The following TNRC18 variants were observed in gnomAD, a reference collection of about 807,000 sequenced individuals.
TNRC18 encodes trinucleotide repeat-containing gene 18 protein.
TNRC18 carries 69 observed loss-of-function variants against 226.7 expected under a neutral mutation model. The ratio of observed to expected loss-of-function variants is 0.30; its 90% CI spans 0.25 to 0.37. The LOEUF (loss-of-function observed/expected upper bound fraction) is 0.37, where lower values mean the gene tolerates loss of function less well. Ranked by LOEUF, TNRC18 falls within the 10% of genes least tolerant of loss-of-function variation. The pLI is 1.00. For missense variants in TNRC18, 4,754 were observed against 4,256.6 expected (o/e 1.12, Z -3.25); for synonymous variants, 2,449 against 1,927.6 (o/e 1.27, Z -7.09).
At chr7:5,316,190 G>C (rs1787823157) in intron 24 of TNRC18, 118 bp from the exon 25 acceptor site, 3 of 664,912 alleles carry the variant, frequency 4.5e-6, no homozygotes, top group South Asian at 2.0e-5. Flanking sequence ...TGGTACAGCA[G>C]TGGGGACATG....
chr7:5,419,865 G>A (rs1203101112), intron 2 of TNRC18: 1 of 152,398 alleles, frequency 6.6e-6, no homozygotes, highest in African/African-American at 2.4e-5. Flanking sequence ...GAGCTCCGCC[G>A]AGCGGGCGGG....
At position 5,387,816 on chromosome 7, in the gene TNRC18, C is replaced by T. The variant is rs1299649218; in HGVS notation, c.2008G>A (p.Gly670Ser). Reference sequence around the variant, plus strand: ...CGCACTTCTGCCTCACCCTGGGCACCAGAGCCCTCGCGCCCGAAAGCTTTG... The same window carrying T: ...CGCACTTCTGCCTCACCCTGGGCACTAGAGCCCTCGCGCCCGAAAGCTTTG... ...SAKAFGREGS[G>S]AQGEAEVRHP... Residue 670 changes from glycine (G) to serine (S), a missense_variant, in exon 5 of 30, where the codon GGT (glycine) becomes AGT (serine). Transcript: ENST00000430969. The T allele has an allele frequency of 6.2e-7, 1 of 1,607,408 alleles. No individual in the cohort carries two copies. Among genetic ancestry groups the T allele is most frequent in the East Asian group, 2.2e-5 (1 of 44,868 alleles).
At chr7:5,339,869 T>C (rs4724575) in intron 18 of TNRC18, among the ~76,000 whole-genome samples, 76,063 of 151,214 alleles carry the variant, frequency 0.5, 19,920 homozygotes, top group East Asian at 0.69. Context: ...CACACCCGGC[T>C]GTATGTTCTT....
chr7:5,390,321 T>A (rs184885612), intron 4 of TNRC18, 164 bp downstream of exon 4: 390 of 737,152 alleles, frequency 5.3e-4, no homozygotes, highest in African/African-American at 3.5e-3. Flanking sequence ...ATCGCACCAC[T>A]GCACTCCAGC....
At position 5,357,277 on chromosome 7, in the gene TNRC18, C is replaced by A; in HGVS notation, c.4834-1G>T. On this transcript the variant is annotated splice_acceptor_variant, in intron 15 of 29. Transcript: ENST00000430969. LOFTEE classifies it high-confidence loss of function. ...CCATCTTCTTCTTCTTAATCTTTAGCTGGAGAGGGAAGGTGGGTCATGGGT... is the reference window on the plus strand; with the variant it reads ...CCATCTTCTTCTTCTTAATCTTTAGATGGAGAGGGAAGGTGGGTCATGGGT... The A allele has an allele frequency of 1.2e-6, 2 of 1,608,222 alleles. No individual in the cohort carries two copies. Among genetic ancestry groups the A allele is most frequent in the Non-Finnish European group, 1.7e-6 (2 of 1,177,068 alleles).
intron 18 of TNRC18, among the ~76,000 whole-genome samples, chr7:5,337,125 C>T (rs1392007540): frequency 1.3e-5 from 2 of 151,768 alleles, no homozygotes; most frequent in Non-Finnish European, 2.9e-5. Context: ...CCCCCAGGAA[C>T]AACAAGAAAA....
intron 2 of TNRC18, among the ~76,000 whole-genome samples, chr7:5,402,456 G>A (rs1320677722): frequency 3.3e-5 from 5 of 151,108 alleles, no homozygotes; most frequent in African/African-American, 1.2e-4. Flanking sequence ...AATGACTTGA[G>A]CCCAGGAGGC....
In TNRC18 at chr7:5,332,926, G is replaced by A. The variant is rs1225321709; in HGVS notation, c.5843C>T (p.Pro1948Leu). 16 of 1,544,384 alleles carry A rather than the reference G, an allele frequency of 1.0e-5. No individual in the cohort carries two copies. Among genetic ancestry groups the A allele is most frequent in the African/African-American group, 9.6e-5 (7 of 73,254 alleles). Residue 1948 changes from proline (P) to leucine (L), a missense_variant, in exon 19 of 30, where the codon CCT (proline) becomes CTT (leucine). By Grantham distance (98) the Pro-to-Leu change is moderately conservative. Transcript: ENST00000430969. ...EPGPSLAAPT[P>L]GARGPDPSSP... ...GCTGGGGTCGGGACCGCGGGCGCCA[G>A]GCGTGGGTGCGGCCAGGGAGGGTCC...
rs1217905924 is a variant in TNRC18 at position 5,308,069 on chromosome 7, C to T, written c.*37G>A. 3 of 1,532,708 alleles carry T rather than the reference C, an allele frequency of 2.0e-6. No homozygotes were observed. Among genetic ancestry groups the T allele is most frequent in the Admixed American group, 2.0e-5 (1 of 49,940 alleles). The allele number at this position is 1,532,708 out of a possible 1,614,324, so 94.9% of individuals were successfully genotyped here. On this transcript the variant is annotated 3_prime_UTR_variant, in exon 30 of 30. Transcript: ENST00000430969. ...AGTGATGGAGATGGGTCCCTGGCCG[C>T]CCTCGGGGCACAGGTGGCCCGCAGG... is the stretch of plus-strand genomic sequence containing the variant.
chr7:5,410,860 CAAAAAAAAA>C (rs34320785), intron 2 of TNRC18, among the ~76,000 whole-genome samples: 7 of 37,174 alleles, frequency 1.9e-4, no homozygotes, highest in Non-Finnish European at 3.3e-4. Flanking sequence ...GACTCCATCT[CAAAAAAAAA>C]AAAAAAAAAA....
chr7:5,347,493 G>GC (rs149042951), intron 17 of TNRC18, among the ~76,000 whole-genome samples: 25,325 of 149,744 alleles, frequency 0.17, 2,277 homozygotes, highest in Admixed American at 0.19. Flanking sequence ...GCCACACCCA[G>GC]CCCCCCCGCA....
chr7:5,416,371 A>T (rs1481297886), intron 2 of TNRC18, among the ~76,000 whole-genome samples: 4 of 146,704 alleles, frequency 2.7e-5, no homozygotes, highest in Admixed American at 2.7e-4. Context: ...GCCGAGATGG[A>T]GCCACTGCAC....
At chr7:5,407,500 T>G (rs914744646) in intron 2 of TNRC18, 1 of 152,094 alleles carries the variant, frequency 6.6e-6, no homozygotes, top group Non-Finnish European at 1.5e-5. Context: ...CAAAGATCCA[T>G]CAAGCTGGGC....
At position 5,307,863 on chromosome 7, in the gene TNRC18, A is replaced by G. The variant is rs1256759388; in HGVS notation, c.*243T>C. 1.8e-6 allele frequency: 1 copy of G among 560,022 alleles called. No homozygotes were observed. The highest frequency in any genetic ancestry group is 3.1e-5 in the Admixed American group (1 of 32,116). 34.7% of individuals were successfully genotyped at this position (560,022 alleles called of 1,614,324 possible). A position where few individuals can be genotyped will look rare whatever the true frequency, so the allele number is the denominator to read the frequency against. On this transcript the variant is annotated 3_prime_UTR_variant, in exon 30 of 30. Coordinates refer to ENST00000430969, the MANE Select transcript of TNRC18 (RefSeq NM_001080495.3). ...GTCCGGCCATACCCTGATAGCTAAG[A>G]GGGGCCCCTGTCCTGGGGGCACTGA...
intron 2 of TNRC18, among the ~76,000 whole-genome samples, chr7:5,397,460 C>A (rs1780774092): frequency 6.6e-6 from 1 of 152,224 alleles, no homozygotes; most frequent in African/African-American, 2.4e-5. Context: ...CCCAAAGCCC[C>A]TCCTCCCAGG....
chr7:5,315,872 A>T, intron 25 of TNRC18, 84 bp downstream of exon 25: 1 of 1,026,736 alleles, frequency 9.7e-7, no homozygotes. Context: ...GACTTCAGAC[A>T]GAGCTCAGAG....
intron 18 of TNRC18, among the ~76,000 whole-genome samples, chr7:5,339,195 C>G (rs961162949): frequency 6.6e-6 from 1 of 150,554 alleles, no homozygotes; most frequent in Non-Finnish European, 1.5e-5. Context: ...GGAAACTTCA[C>G]CAACAAATGT....
intron 11 of TNRC18, among the ~76,000 whole-genome samples, chr7:5,366,446 CCT>C (rs1439742422): frequency 6.8e-6 from 1 of 147,418 alleles, no homozygotes; most frequent in Non-Finnish European, 1.5e-5. Context: ...GCCTCAGTCC[CCT>C]GAGTAGCTGG....
chr7:5,315,598 A>G (rs1448733110), intron 25 of TNRC18, among the ~76,000 whole-genome samples: 1 of 151,956 alleles, frequency 6.6e-6, no homozygotes, highest in Non-Finnish European at 1.5e-5. Flanking sequence ...TAATTTTTGT[A>G]TTTTTAATAG....
Sources: allele counts gnomAD v4.1 joint callset (sites outside exome capture counted in the v4.1 genomes callset), GRCh38; gene constraint gnomAD v4.1.1; transcripts MANE v1.5; gene names NCBI Gene and HGNC (gene_info 2026-07-23, HGNC 2026-07-21).